The following ANKRD31 variants were observed in gnomAD, a reference collection of about 807,000 sequenced individuals.
The protein encoded by ANKRD31 is ankyrin repeat domain-containing protein 31.
ANKRD31 carries 147 observed loss-of-function variants against 186.0 expected under a neutral mutation model. That is an observed-to-expected ratio of 0.79 (90% CI 0.69 to 0.91). ANKRD31 has a LOEUF of 0.91. ANKRD31 is among the 40% of genes least tolerant of loss of function. ANKRD31 has a pLI of 0.00. For synonymous variants in ANKRD31, 673 were observed against 736.4 expected, an observed-to-expected ratio of 0.91 and a Z score of 1.39; for missense variants, 1,986 against 2,148.8, an observed-to-expected ratio of 0.92 and a Z score of 1.50.
Position 75,068,582 on chromosome 5 carries a change from G to C in ANKRD31, c.5730C>G (p.Leu1910=), listed in dbSNP as rs993934288. 9.8e-6 allele frequency: 15 copies of C among 1,527,092 alleles called. No individual in the cohort carries two copies. Among genetic ancestry groups the C allele is most frequent in the Admixed American group, 4.0e-5 (2 of 49,664 alleles). 94.6% of individuals were successfully genotyped at this position (1,527,092 alleles called of 1,614,324 possible). A position where few individuals can be genotyped will look rare whatever the true frequency, so the allele number is the denominator to read the frequency against. ...AATGCTGATCCATTATGTGGCATGG[G>C]AGAAATTCTTGATCACTGATTAATA... ...EILLISDQEF[L]PCHIMDQHWK... Residue 1910 remains leucine, a synonymous_variant, in exon 26 of 26, where the codon CTC becomes CTG. Coordinates refer to ENST00000506364, the MANE Select transcript of ANKRD31 (RefSeq NM_001372053.1).
chr5:75,158,261 T>C lies in ANKRD31; in HGVS notation c.1708-3916A>G, dbSNP rs192095787. ...TGATTCAGGAAGGTTAAACACAACCTCTAACCAATCAGTAATTGACCACTA... is the reference window on the plus strand; with the variant it reads ...TGATTCAGGAAGGTTAAACACAACCCCTAACCAATCAGTAATTGACCACTA... On this transcript the variant is annotated intron_variant, in intron 11 of 25. Transcript: ENST00000506364. 1.1e-3 allele frequency among the ~76,000 whole-genome samples: 161 copies of C among 152,272 alleles called. 1 individual carries two copies. Among genetic ancestry groups the C allele is most frequent in the African/African-American group, 3.8e-3 (158 of 41,564 alleles).
chr5:75,106,649 A>G (rs879880808), intron 21 of ANKRD31, among the ~76,000 whole-genome samples: 5 of 151,984 alleles, frequency 3.3e-5, no homozygotes, highest in Admixed American at 2.6e-4. Context: ...AATTCCAGGT[A>G]TAGTACATGG....
chr5:75,118,878 G>T (rs1033876568), intron 17 of ANKRD31, among the ~76,000 whole-genome samples: 1 of 152,094 alleles, frequency 6.6e-6, no homozygotes, highest in African/African-American at 2.4e-5. Context: ...TCCCCAAGCT[G>T]CTGGAGGATA....
chr5:75,101,224 C>G (rs985364336), intron 22 of ANKRD31, among the ~76,000 whole-genome samples: 1 of 152,058 alleles, frequency 6.6e-6, no homozygotes, highest in Non-Finnish European at 1.5e-5. Flanking sequence ...GTTGAAAATT[C>G]TTTTCTTTAA....
intron 23 of ANKRD31, among the ~76,000 whole-genome samples, chr5:75,085,242 T>C (rs1012252799): frequency 3.9e-5 from 6 of 152,228 alleles, no homozygotes; most frequent in African/African-American, 4.8e-5. Context: ...TTAATACATC[T>C]GTTTCTATTA....
intron 2 of ANKRD31, among the ~76,000 whole-genome samples, chr5:75,227,099 G>A (rs547271568): frequency 6.6e-6 from 1 of 152,104 alleles, no homozygotes; most frequent in African/African-American, 2.4e-5. Context: ...GTACTATTCA[G>A]CCATGAAAAA....
At chr5:75,188,432 G>A in intron 10 of ANKRD31, 61 bp downstream of exon 10, 1 of 1,453,650 alleles carries the variant, frequency 6.9e-7, no homozygotes, top group South Asian at 1.4e-5. Context: ...TTTCCTAAGA[G>A]TGATTCAGCT....
chr5:75,071,497 GTT>G (rs368634855), intron 25 of ANKRD31, among the ~76,000 whole-genome samples: 6 of 131,386 alleles, frequency 4.6e-5, no homozygotes, highest in African/African-American at 2.8e-5. Context: ...AAGCTGTTTT[GTT>G]TTTTTTTTTT....
intron 4 of ANKRD31, among the ~76,000 whole-genome samples, chr5:75,206,971 A>T (rs1756294153): frequency 6.6e-6 from 1 of 152,186 alleles, no homozygotes; most frequent in Non-Finnish European, 1.5e-5. Context: ...TACCGAAGGG[A>T]GGAAGTTAAA....
At chr5:75,213,856 T>A (rs1476326654) in intron 3 of ANKRD31, among the ~76,000 whole-genome samples, 4 of 152,222 alleles carry the variant, frequency 2.6e-5, no homozygotes, top group Non-Finnish European at 5.9e-5. Flanking sequence ...GATTCATGGA[T>A]AACTGGGAGT....
intron 21 of ANKRD31, among the ~76,000 whole-genome samples, chr5:75,107,015 G>T (rs562914110): frequency 3.2e-4 from 48 of 151,150 alleles, no homozygotes; most frequent in African/African-American, 1.2e-3. Flanking sequence ...GCCCAAACAA[G>T]AAAAAAACAT....
chr5:75,210,911 C>A, intron 3 of ANKRD31, 46 bp from the exon 4 acceptor site: 1 of 1,272,236 alleles, frequency 7.9e-7, no homozygotes, highest in South Asian at 1.5e-5. Flanking sequence ...AGTGTTAATT[C>A]AATGCAACAA....
intron 25 of ANKRD31, among the ~76,000 whole-genome samples, chr5:75,069,796 T>G (rs771600105): frequency 3.3e-5 from 5 of 152,176 alleles, no homozygotes; most frequent in Non-Finnish European, 7.3e-5. Context: ...TCCACCCGCC[T>G]CAGCCTCCCA....
At chr5:75,107,039 C>T (rs1747380431) in intron 21 of ANKRD31, among the ~76,000 whole-genome samples, 1 of 151,152 alleles carries the variant, frequency 6.6e-6, no homozygotes, top group South Asian at 2.1e-4. Context: ...ACATTTTTTT[C>T]ACAAAAAAAT....
chr5:75,155,733 A>C (rs1172547870), intron 11 of ANKRD31, among the ~76,000 whole-genome samples: 1 of 152,138 alleles, frequency 6.6e-6, no homozygotes, highest in Non-Finnish European at 1.5e-5. Flanking sequence ...TATGTACCTA[A>C]AAATTAAAAG....
At chr5:75,131,740 A>C (rs919166539) in intron 17 of ANKRD31, among the ~76,000 whole-genome samples, 1 of 152,172 alleles carries the variant, frequency 6.6e-6, no homozygotes, top group African/African-American at 2.4e-5. Flanking sequence ...CCCAAGTAGC[A>C]TAACTAGGAG....
chr5:75,105,359 C>T (rs1403046041), intron 21 of ANKRD31, 141 bp from the exon 22 acceptor site: 1 of 934,718 alleles, frequency 1.1e-6, no homozygotes, highest in African/African-American at 1.7e-5. Context: ...AATTTACTGC[C>T]TTTGATTTTT....
chr5:75,097,871 T>C (rs1356517925), intron 22 of ANKRD31, among the ~76,000 whole-genome samples: 2 of 152,180 alleles, frequency 1.3e-5, no homozygotes, highest in East Asian at 3.9e-4. Context: ...CAGTTTTCTA[T>C]ATATGGCTAG....
intron 2 of ANKRD31, among the ~76,000 whole-genome samples, chr5:75,222,599 C>T (rs1757372280): frequency 6.6e-6 from 1 of 152,092 alleles, no homozygotes; most frequent in Non-Finnish European, 1.5e-5. Flanking sequence ...GTTCTCTCCC[C>T]TCACCCCCCA....
Sources: allele counts gnomAD v4.1 joint callset (sites outside exome capture counted in the v4.1 genomes callset), GRCh38; gene constraint gnomAD v4.1.1; transcripts MANE v1.5; gene names NCBI Gene and HGNC (gene_info 2026-07-23, HGNC 2026-07-21).